The following SOD2 variants were observed in gnomAD, a reference collection of about 807,000 sequenced individuals.
SOD2 encodes the protein superoxide dismutase [Mn], mitochondrial.
SOD2 carries 11 observed loss-of-function variants against 27.0 expected under a neutral mutation model. That is an observed-to-expected ratio of 0.41 (90% CI 0.26 to 0.67). SOD2 has a LOEUF of 0.67. Among genes scored for constraint, SOD2 ranks in the 30% least tolerant of loss-of-function variants. SOD2 has a pLI of 0.34. For synonymous variants in SOD2, 105 were observed against 103.0 expected (o/e 1.02, Z -0.12); for missense variants, 250 against 274.5 (o/e 0.91, Z 0.63).
rs748336030 is a variant in SOD2, at chr6:159,685,046, A to C, written c.344-13T>G. 1 of 1,575,174 alleles carries C rather than the reference A, an allele frequency of 6.3e-7. No homozygotes were observed. Among genetic ancestry groups the C allele is most frequent in the Admixed American group, 2.0e-5 (1 of 50,518 alleles). ...TCCAGCAACTCCCCTATTAAAAAAA[A>C]AATCCAAAACCACCCACAAATGAAC... On this transcript the variant is annotated splice_polypyrimidine_tract_variant and intron_variant, in intron 3 of 4. Transcript: ENST00000538183.
chr6:159,685,438 C>T (rs1029526591), intron 3 of SOD2, among the ~76,000 whole-genome samples: 1 of 151,990 alleles, frequency 6.6e-6, no homozygotes, highest in Non-Finnish European at 1.5e-5. Flanking sequence ...GACAGGGTTT[C>T]TCCATGTTGG....
intron 1 of SOD2, among the ~76,000 whole-genome samples, chr6:159,740,977 C>T (rs1779224004): frequency 6.6e-6 from 1 of 152,176 alleles, no homozygotes; most frequent in South Asian, 2.1e-4. Flanking sequence ...GCTGGGATTA[C>T]AGGCACGAGC....
chr6:159,690,026 G>A (rs1006028739), intron 2 of SOD2, among the ~76,000 whole-genome samples: 7 of 151,906 alleles, frequency 4.6e-5, no homozygotes, highest in Admixed American at 2.0e-4. Flanking sequence ...GCTCACGCCT[G>A]TAATCCCAGC....
At chr6:159,730,703 A>G (rs1003313555), upstream of SOD2, among the ~76,000 whole-genome samples, 3 of 152,212 alleles carry the variant, frequency 2.0e-5, no homozygotes, top group East Asian at 5.8e-4. Context: ...GAGGCTCTGA[A>G]TTTCCCAAGT....
chr6:159,727,402 A>AGGCGGGT (rs773728704), upstream of SOD2: 1 of 1,162,422 alleles, frequency 8.6e-7, no homozygotes, highest in Non-Finnish European at 1.1e-6. Flanking sequence ...GGGAGGCGGG[A>AGGCGGGT]GGCAGTGGCG....
chr6:159,723,273 A>G (rs2114840956), intron 1 of SOD2, among the ~76,000 whole-genome samples: 1 of 152,308 alleles, frequency 6.6e-6, no homozygotes. Flanking sequence ...ACTAACCATG[A>G]CACAGAACAT....
At chr6:159,742,607 T>G (rs1461435372) in intron 1 of SOD2, among the ~76,000 whole-genome samples, 1 of 152,202 alleles carries the variant, frequency 6.6e-6, no homozygotes, top group African/African-American at 2.4e-5. Context: ...ACGTTTATCA[T>G]TTTAAGCCAT....
intron 1 of SOD2, chr6:159,742,170 A>G (rs776613842): frequency 5.2e-5 from 82 of 1,564,540 alleles, no homozygotes; most frequent in Non-Finnish European, 6.7e-5. Flanking sequence ...TTAGCTTCCT[A>G]AAGACTGAAT....
intron 1 of SOD2, among the ~76,000 whole-genome samples, chr6:159,740,708 CTT>C (rs565299103): frequency 7.9e-5 from 10 of 126,584 alleles, no homozygotes; most frequent in Admixed American, 3.2e-4. Context: ...TTTTTTCTTT[CTT>C]TTTTTTTTTT....
exon 1 of SOD2, chr6:159,727,169 G>C: frequency 8.3e-7 from 1 of 1,201,626 alleles, no homozygotes; most frequent in Non-Finnish European, 1.1e-6. Flanking sequence ...CTCGCGCCAG[G>C]CTCCTGGGAA....
intron 4 of SOD2, among the ~76,000 whole-genome samples, 163 bp from the exon 5 acceptor site, chr6:159,682,801 T>C (rs1168707934): frequency 1.3e-5 from 2 of 152,256 alleles, no homozygotes; most frequent in Non-Finnish European, 2.9e-5. Context: ...TAAGAATGAA[T>C]ATTCCTATAA....
At chr6:159,736,121 ATTGTTTAT>A (rs1778897728) in intron 1 of SOD2, 1 of 903,038 alleles carries the variant, frequency 1.1e-6, no homozygotes, top group African/African-American at 1.7e-5. Flanking sequence ...CTATTTTAAA[ATTGTTTAT>A]TTAAATTCTA....
upstream of SOD2, among the ~76,000 whole-genome samples, chr6:159,747,616 A>G (rs138993885): frequency 3.8e-3 from 582 of 152,324 alleles, 7 homozygotes; most frequent in Middle Eastern, 0.041. Context: ...TTAAGTTATA[A>G]TCTTGCACCT....
At chr6:159,696,255 C>A (rs1380105139), upstream of SOD2, among the ~76,000 whole-genome samples, 2 of 152,182 alleles carry the variant, frequency 1.3e-5, no homozygotes, top group East Asian at 3.9e-4. Context: ...GCACCAGCAA[C>A]CTCATCTCCC....
intron 1 of SOD2, among the ~76,000 whole-genome samples, chr6:159,720,187 C>T (rs982831459): frequency 1.3e-5 from 2 of 151,588 alleles, no homozygotes; most frequent in East Asian, 1.9e-4. Context: ...CCCGCCACCA[C>T]GCCCGGCTAA....
At chr6:159,702,295 A>ATT (rs112350033) in intron 1 of SOD2, among the ~76,000 whole-genome samples, 7 of 142,634 alleles carry the variant, frequency 4.9e-5, no homozygotes, top group Admixed American at 7.1e-5. Context: ...TCTGTATAAA[A>ATT]TTTTTTTTTT....
intron 4 of SOD2, among the ~76,000 whole-genome samples, chr6:159,682,846 G>A (rs1199588241): frequency 6.6e-6 from 1 of 152,104 alleles, no homozygotes; most frequent in Non-Finnish European, 1.5e-5. Flanking sequence ...AAGAAAATGT[G>A]ACAAATACTA....
At chr6:159,715,506 ATTTGACTGAAGG>A (rs1166398937) in intron 1 of SOD2, among the ~76,000 whole-genome samples, 2 of 152,128 alleles carry the variant, frequency 1.3e-5, no homozygotes, top group African/African-American at 4.8e-5. Flanking sequence ...AACTGAAGAG[ATTTGACTGAAGG>A]TTTGACCAAA....
At chr6:159,752,552 G>A (rs1779860159) in intron 1 of SOD2, among the ~76,000 whole-genome samples, 2 of 152,160 alleles carry the variant, frequency 1.3e-5, no homozygotes, top group Admixed American at 1.3e-4. Context: ...TGGAAAGTGT[G>A]ACACTCCTAG....
Sources: gnomAD v4.1 joint callset for allele counts (sites outside exome capture counted in the v4.1 genomes callset) on GRCh38, gnomAD v4.1.1 for gene constraint, MANE v1.5 for transcripts, NCBI Gene and HGNC (gene_info 2026-07-23, HGNC 2026-07-21) for gene names.